TP53BP1: variants seen among roughly 807,000 people sequenced by gnomAD.
The protein encoded by TP53BP1 is tumor protein p53 binding protein 1.
Under a neutral mutation model 200.8 loss-of-function variants are expected in TP53BP1, and 61 were observed. The ratio of observed to expected loss-of-function variants is 0.30; its 90% CI spans 0.25 to 0.38. The LOEUF (loss-of-function observed/expected upper bound fraction) is 0.38, where lower values mean the gene tolerates loss of function less well. Among genes scored for constraint, TP53BP1 ranks in the 10% least tolerant of loss-of-function variants. TP53BP1 has a pLI of 1.00. For missense variants in TP53BP1, 2,144 were observed against 2,371.9 expected (o/e 0.90, Z 2.00); for synonymous variants, 822 against 844.3 (o/e 0.97, Z 0.46).
intron 11 of TP53BP1, 151 bp from the exon 12 acceptor site, chr15:43,457,369 TAAAG>T (rs2046325371): frequency 1.3e-6 from 1 of 778,374 alleles, no homozygotes; most frequent in Non-Finnish European, 1.9e-6. Context: ...ATTTAAGAAT[TAAAG>T]AACTCTAGTA....
At chr15:43,446,779 G>A (rs546680458) in intron 13 of TP53BP1, 189 bp from the exon 14 acceptor site, 8 of 1,511,772 alleles carry the variant, frequency 5.3e-6, no homozygotes, top group Non-Finnish European at 7.1e-6. Flanking sequence ...GTCTTAAGAG[G>A]AGCAACAGGA....
chr15:43,485,774 TG>T (rs2079038659), intron 4 of TP53BP1, among the ~76,000 whole-genome samples: 1 of 143,964 alleles, frequency 6.9e-6, no homozygotes, highest in African/African-American at 2.6e-5. Flanking sequence ...ACTCAGGAGG[TG>T]GAAGTTGCAG....
At chr15:43,486,697 C>A (rs964910629) in intron 4 of TP53BP1, among the ~76,000 whole-genome samples, 10 of 152,118 alleles carry the variant, frequency 6.6e-5, no homozygotes, top group African/African-American at 2.4e-4. Flanking sequence ...AATCACGGCT[C>A]GCTGCAACCT....
At chr15:43,418,523 TAGAA>T (rs566624306) in intron 21 of TP53BP1, among the ~76,000 whole-genome samples, 20 of 147,818 alleles carry the variant, frequency 1.4e-4, no homozygotes, top group East Asian at 2.0e-4. Context: ...AAAAAAAAGA[TAGAA>T]AGAAAGCCAT....
intron 15 of TP53BP1, among the ~76,000 whole-genome samples, chr15:43,440,258 C>T (rs551641447): frequency 6.6e-6 from 1 of 152,214 alleles, no homozygotes; most frequent in East Asian, 1.9e-4. Context: ...TTCAGTTTGC[C>T]ATTGTCCTCA....
chr15:43,434,573 A>G (rs945952565), intron 16 of TP53BP1, among the ~76,000 whole-genome samples: 4 of 152,198 alleles, frequency 2.6e-5, no homozygotes, highest in Non-Finnish European at 4.4e-5. Context: ...AGCCCTCATG[A>G]ATAGGGTTAG....
Position 43,447,406 on chromosome 15 carries a change from C to T in TP53BP1, c.2796G>A (p.Gly932=). ...PLTGATPPLI[G]HLKLEPKRHS... Reference sequence around the variant, plus strand: ...GTCTCTTGGGCTCCAATTTTAGGTGCCCAATAAGAGGTGGGGTTGCACCAG... The same window carrying T: ...GTCTCTTGGGCTCCAATTTTAGGTGTCCAATAAGAGGTGGGGTTGCACCAG... Residue 932 remains glycine, a synonymous_variant, in exon 13 of 28, where the codon GGG becomes GGA. Coordinates refer to ENST00000382044, the MANE Select transcript of TP53BP1 (RefSeq NM_001141980.3). 4 of 1,601,342 alleles carry T rather than the reference C, an allele frequency of 2.5e-6. 1 individual carries two copies. The South Asian group carries it at 3.4e-5, about 14-fold the overall frequency.
rs2045942448 is a variant in TP53BP1 at position 43,442,272 on chromosome 15, G to C, written c.3041-689C>G. 2.0e-5 allele frequency among the ~76,000 whole-genome samples: 3 copies of C among 151,844 alleles called. No homozygotes were observed. The South Asian group carries it at 6.2e-4, about 32-fold the overall frequency. On this transcript the variant is annotated intron_variant, in intron 14 of 27. Transcript: ENST00000382044. ...GGCTAATTTTTTTGTATTTTTAGTC[G>C]AGACGGGGTTTCACCGTGTTAGCCA...
rs1437962675 is a variant in TP53BP1 at position 43,479,541 on chromosome 15, A to T, written c.659-15T>A. On this transcript the variant is annotated splice_polypyrimidine_tract_variant and intron_variant, in intron 6 of 27. Transcript: ENST00000382044. ...ATGCTTAATTGCTGAGAGTTTTATAAAATGACAGGAAGGAGATAATTAAGT... is the reference window on the plus strand; with the variant it reads ...ATGCTTAATTGCTGAGAGTTTTATATAATGACAGGAAGGAGATAATTAAGT... 1 of 1,600,526 alleles carries T rather than the reference A, an allele frequency of 6.2e-7. No individual in the cohort carries two copies. Among genetic ancestry groups the T allele is most frequent in the South Asian group, 1.1e-5 (1 of 88,228 alleles).
intron 12 of TP53BP1, among the ~76,000 whole-genome samples, chr15:43,448,030 T>C (rs1459410910): frequency 6.6e-6 from 1 of 152,188 alleles, no homozygotes; most frequent in Non-Finnish European, 1.5e-5. Context: ...TGACTGGTTC[T>C]AGCATAGAAA....
At chr15:43,500,068 T>C (rs945349638) in intron 1 of TP53BP1, among the ~76,000 whole-genome samples, 1 of 152,246 alleles carries the variant, frequency 6.6e-6, no homozygotes, top group Non-Finnish European at 1.5e-5. Context: ...ACAATCTATA[T>C]GCCAATGACT....
At position 43,419,951 on chromosome 15, in the gene TP53BP1, T is replaced by C. The variant is rs532460589; in HGVS notation, c.4681+354A>G. 1.4e-3 allele frequency among the ~76,000 whole-genome samples: 212 copies of C among 152,284 alleles called. 3 individuals carry two copies. Among genetic ancestry groups the C allele is most frequent in the Non-Finnish European group, 5.7e-4 (39 of 68,024 alleles). On this transcript the variant is annotated intron_variant, in intron 21 of 27. Transcript: ENST00000382044. Reference sequence around the variant, plus strand: ...CAAATAAAGTCTAAAGTTTTGTGAATAGTAATACACCAAGGTTGGATTTTT... The same window carrying C: ...CAAATAAAGTCTAAAGTTTTGTGAACAGTAATACACCAAGGTTGGATTTTT...
chr15:43,414,706 A>G (rs1425293889), intron 23 of TP53BP1, among the ~76,000 whole-genome samples: 2 of 151,718 alleles, frequency 1.3e-5, no homozygotes, highest in African/African-American at 4.8e-5. Context: ...GCATACTGAA[A>G]TATGACTTTT....
intron 10 of TP53BP1, among the ~76,000 whole-genome samples, chr15:43,472,947 C>T (rs1050326908): frequency 3.3e-5 from 5 of 151,932 alleles, no homozygotes; most frequent in African/African-American, 9.7e-5. Context: ...TGGCGCGTCT[C>T]GAGTCTGTCC....
intron 20 of TP53BP1, 30 bp from the exon 21 acceptor site, chr15:43,420,765 G>T (rs192392970): frequency 6.6e-5 from 105 of 1,581,904 alleles, no homozygotes; most frequent in Non-Finnish European, 8.4e-5. Context: ...AGGAGAAGCC[G>T]GTGAGAACAA....
At position 43,491,651 on chromosome 15, in the gene TP53BP1, C is replaced by G; in HGVS notation, c.371+18G>C. The stretch of plus-strand genomic sequence containing the variant: ...ATCTGATAATACATTTAAATAAACC[C>G]CTTCAAACACTGTATACCTGCTTGT... On this transcript the variant is annotated intron_variant, in intron 4 of 27. Coordinates refer to ENST00000382044, the MANE Select transcript of TP53BP1 (RefSeq NM_001141980.3). The G allele has an allele frequency of 5.7e-6, 9 of 1,577,670 alleles. No individual in the cohort carries two copies. Among genetic ancestry groups the G allele is most frequent in the Non-Finnish European group, 7.8e-6 (9 of 1,147,054 alleles).
Position 43,447,397 on chromosome 15 carries a change from T to G in TP53BP1, c.2805A>C (p.Lys935Asn). The change falls in exon 13 of 28, where the codon AAA becomes AAC. Residue 935 changes from lysine to asparagine, a missense_variant. Lys to Asn is a moderately conservative substitution (Grantham distance 94). Coordinates refer to ENST00000382044, the MANE Select transcript of TP53BP1 (RefSeq NM_001141980.3). ...GATPPLIGHL[K>N]LEPKRHSTPI... is the part of the protein sequence containing the mutation. ...GAGTACTGTGTCTCTTGGGCTCCAATTTTAGGTGCCCAATAAGAGGTGGGG... is the reference window on the plus strand; with the variant it reads ...GAGTACTGTGTCTCTTGGGCTCCAAGTTTAGGTGCCCAATAAGAGGTGGGG... 1.9e-6 allele frequency: 3 copies of G among 1,602,812 alleles called. No individual in the cohort carries two copies. The highest frequency in any genetic ancestry group is 2.5e-6 in the Non-Finnish European group (3 of 1,177,188).
At chr15:43,503,897 CT>C (rs930934184) in intron 1 of TP53BP1, among the ~76,000 whole-genome samples, 4 of 152,050 alleles carry the variant, frequency 2.6e-5, no homozygotes, top group Admixed American at 6.6e-5. Context: ...CATTCACAGA[CT>C]TTTTTTTCTT....
intron 9 of TP53BP1, 45 bp from the exon 10 acceptor site, chr15:43,474,812 G>A (rs759014565): frequency 7.2e-7 from 1 of 1,386,282 alleles, no homozygotes; most frequent in South Asian, 1.2e-5. Flanking sequence ...CATAGCCACA[G>A]TTTTGCATTT....
Sources: gnomAD v4.1 joint callset for allele counts (sites outside exome capture counted in the v4.1 genomes callset) on GRCh38, gnomAD v4.1.1 for gene constraint, MANE v1.5 for transcripts, NCBI Gene and HGNC (gene_info 2026-07-23, HGNC 2026-07-21) for gene names.